Variants in PCCA observed in about 807,000 individuals in gnomAD.
PCCA encodes propionyl-CoA carboxylase subunit alpha.
PCCA carries 74 observed loss-of-function variants against 101.3 expected under a neutral mutation model. That is an observed-to-expected ratio of 0.73 (90% CI 0.61 to 0.89). PCCA has a LOEUF of 0.89. Ranked by LOEUF, PCCA falls within the 40% of genes least tolerant of loss-of-function variation. PCCA has a pLI of 0.00. For synonymous variants in PCCA, 294 were observed against 313.6 expected (o/e 0.94, Z 0.66); for missense variants, 891 against 907.0 (o/e 0.98, Z 0.23).
intron 20 of PCCA, among the ~76,000 whole-genome samples, chr13:100,443,366 A>G (rs2080522158): frequency 6.6e-6 from 1 of 151,738 alleles, no homozygotes; most frequent in Non-Finnish European, 1.5e-5. Context: ...GAGGTGGGAG[A>G]ATCGCTGGAG....
At chr13:100,436,945 CAA>C (rs530241819) in intron 20 of PCCA, among the ~76,000 whole-genome samples, 120 of 152,314 alleles carry the variant, frequency 7.9e-4, no homozygotes, top group African/African-American at 2.8e-3. Context: ...CAAAAAGAAA[CAA>C]GAGGGCTCCC....
intron 20 of PCCA, among the ~76,000 whole-genome samples, chr13:100,441,088 CT>C (rs1555294494): frequency 6.6e-6 from 1 of 152,126 alleles, no homozygotes; most frequent in Non-Finnish European, 1.5e-5. Flanking sequence ...TTTGGAGTTG[CT>C]TTTAAAATTT....
chr13:100,469,779 C>CAA (rs139256833), intron 21 of PCCA, among the ~76,000 whole-genome samples: 10 of 148,336 alleles, frequency 6.7e-5, no homozygotes, highest in African/African-American at 1.5e-4. Context: ...GGCTCTGTCT[C>CAA]AAAAAAAAAC....
chr13:100,526,352 G>A (rs546543371), intron 22 of PCCA, among the ~76,000 whole-genome samples: 8 of 152,338 alleles, frequency 5.3e-5, no homozygotes, highest in Non-Finnish European at 7.3e-5. Flanking sequence ...GCTCCTCAGC[G>A]CGGTGTCTCT....
At chr13:100,489,159 T>C (rs1413492723) in intron 21 of PCCA, among the ~76,000 whole-genome samples, 1 of 148,306 alleles carries the variant, frequency 6.7e-6, no homozygotes, top group Non-Finnish European at 1.5e-5. Flanking sequence ...CAAAAAAAAA[T>C]TAGCCAGGCG....
intron 16 of PCCA, among the ~76,000 whole-genome samples, chr13:100,328,401 AATAATG>A (rs2068991182): frequency 8.9e-6 from 1 of 111,822 alleles, no homozygotes; most frequent in South Asian, 2.7e-4. Context: ...TAATAATAAT[AATAATG>A]ATGATAATAA....
intron 19 of PCCA, among the ~76,000 whole-genome samples, chr13:100,407,700 T>C (rs1170943028): frequency 6.6e-6 from 1 of 152,248 alleles, no homozygotes; most frequent in Non-Finnish European, 1.5e-5. Context: ...AATTTAAAAC[T>C]GTCCTTTAAC....
intron 18 of PCCA, among the ~76,000 whole-genome samples, chr13:100,344,488 G>C (rs1452709124): frequency 1.3e-5 from 2 of 152,132 alleles, no homozygotes; most frequent in Non-Finnish European, 2.9e-5. Context: ...AGCCCATTAG[G>C]AAATACTTGG....
chr13:100,227,387 C>T (rs2060205634), intron 7 of PCCA, among the ~76,000 whole-genome samples: 1 of 152,134 alleles, frequency 6.6e-6, no homozygotes, highest in Non-Finnish European at 1.5e-5. Flanking sequence ...TAACTCTTTT[C>T]ACGTTTTTTC....
intron 7 of PCCA, among the ~76,000 whole-genome samples, chr13:100,221,943 G>T (rs1174988503): frequency 6.6e-6 from 1 of 151,782 alleles, no homozygotes; most frequent in Admixed American, 6.6e-5. Flanking sequence ...CGCCATATTG[G>T]CCAGGCTGGT....
chr13:100,390,720 A>T (rs1473527994), intron 19 of PCCA, among the ~76,000 whole-genome samples: 1 of 152,212 alleles, frequency 6.6e-6, no homozygotes. Flanking sequence ...TGTTAAAACA[A>T]AAAAAACAAC....
At chr13:100,501,146 TAAAAA>T (rs961698348) in intron 21 of PCCA, among the ~76,000 whole-genome samples, 1 of 151,616 alleles carries the variant, frequency 6.6e-6, no homozygotes, top group Non-Finnish European at 1.5e-5. Context: ...GTGAGACTCT[TAAAAA>T]AAAGAAAAAA....
intron 4 of PCCA, among the ~76,000 whole-genome samples, chr13:100,152,078 T>A (rs2053395331): frequency 6.6e-6 from 1 of 152,222 alleles, no homozygotes; most frequent in Non-Finnish European, 1.5e-5. Flanking sequence ...GATTGTTCTT[T>A]CCAGGTTGAC....
chr13:100,422,340 G>C (rs1284404253), intron 19 of PCCA, among the ~76,000 whole-genome samples: 1 of 151,532 alleles, frequency 6.6e-6, no homozygotes, highest in Non-Finnish European at 1.5e-5. Flanking sequence ...GTCTCACTTT[G>C]TTGCCCAGGC....
At chr13:100,089,738 G>T (rs772795649) in intron 1 of PCCA, among the ~76,000 whole-genome samples, 7 of 152,158 alleles carry the variant, frequency 4.6e-5, no homozygotes, top group Non-Finnish European at 1.0e-4. Context: ...TAGATTTTAC[G>T]TTTCATTTGA....
intron 17 of PCCA, among the ~76,000 whole-genome samples, chr13:100,332,203 G>T (rs148511739): frequency 1.3e-5 from 2 of 152,076 alleles, no homozygotes; most frequent in African/African-American, 4.8e-5. Context: ...CTCCCAAAGC[G>T]CTGGGATTAC....
In PCCA at chr13:100,340,179, G is replaced by A; in HGVS notation, c.1563G>A (p.Glu521=). 1 of 1,603,720 alleles carries A rather than the reference G, an allele frequency of 6.2e-7. No homozygotes were observed. The highest frequency in any genetic ancestry group is 8.5e-7 in the Non-Finnish European group (1 of 1,170,460). ...CAGGACACATGCTAACCAAGAGTGA[G>A]AAGAACCAGTTATTGGCAATAGCAT... The part of the protein sequence containing the change: ...GFKGHMLTKS[E]KNQLLAIASS... Residue 521 remains glutamate, a synonymous_variant, in exon 18 of 24, where the codon GAG becomes GAA. Transcript: ENST00000376285.
At chr13:100,319,937 G>A (rs983196430) in intron 16 of PCCA, among the ~76,000 whole-genome samples, 5 of 152,120 alleles carry the variant, frequency 3.3e-5, no homozygotes, top group Non-Finnish European at 7.4e-5. Flanking sequence ...CCATTTTCAC[G>A]ATATTAGTTC....
intron 19 of PCCA, among the ~76,000 whole-genome samples, chr13:100,379,544 G>T (rs2076107319): frequency 6.6e-6 from 1 of 152,222 alleles, no homozygotes; most frequent in Non-Finnish European, 1.5e-5. Context: ...GTATTAGTCT[G>T]TTCTCACGCT....
Sources: allele counts gnomAD v4.1 joint callset (sites outside exome capture counted in the v4.1 genomes callset), GRCh38; gene constraint gnomAD v4.1.1; transcripts MANE v1.5; gene names NCBI Gene and HGNC (gene_info 2026-07-23, HGNC 2026-07-21).